GARNL3: variants seen among roughly 807,000 people sequenced by gnomAD.
GARNL3 encodes GTPase-activating Rap/Ran-GAP domain-like protein 3.
GARNL3 carries 63 observed loss-of-function variants against 125.0 expected under a neutral mutation model. That is an observed-to-expected ratio of 0.50 (90% CI 0.41 to 0.62). GARNL3 has a LOEUF of 0.62. Ranked by LOEUF, GARNL3 falls within the 20% of genes least tolerant of loss-of-function variation. The pLI, the probability that GARNL3 is intolerant of heterozygous loss-of-function variation, is 0.00. For missense variants in GARNL3, 994 were observed against 1,244.0 expected (o/e 0.80, Z 3.02); for synonymous variants, 439 against 457.5 (o/e 0.96, Z 0.52).
intron 22 of GARNL3, among the ~76,000 whole-genome samples, chr9:127,368,125 C>T (rs1034490331): frequency 6.8e-6 from 1 of 148,118 alleles, no homozygotes; most frequent in African/African-American, 2.5e-5. Context: ...AAGCGATTCT[C>T]CTGCCTCAGC....
intron 20 of GARNL3, chr9:127,356,652 G>A (rs1830705564): frequency 6.6e-6 from 1 of 152,276 alleles, no homozygotes; most frequent in African/African-American, 2.4e-5. Context: ...TTCCTATAGT[G>A]ATTTGCTATT....
chr9:127,359,419 G>A (rs1279510964), intron 21 of GARNL3, among the ~76,000 whole-genome samples: 3 of 152,158 alleles, frequency 2.0e-5, no homozygotes, highest in East Asian at 3.9e-4. Flanking sequence ...GAAGCCAGGA[G>A]GCGGAGGTTG....
intron 2 of GARNL3, among the ~76,000 whole-genome samples, chr9:127,306,979 G>A (rs545603799): frequency 2.7e-3 from 410 of 151,994 alleles, no homozygotes; most frequent in African/African-American, 9.3e-3. Context: ...GAAAAGTGAA[G>A]AGTGTAAACA....
upstream of GARNL3, among the ~76,000 whole-genome samples, chr9:127,261,093 T>TA (rs1445647797): frequency 2.6e-5 from 4 of 151,890 alleles, no homozygotes; most frequent in African/African-American, 9.7e-5. Flanking sequence ...CCATCTCTAC[T>TA]AAAAATACAA....
chr9:127,274,849 C>A (rs2063912735), intron 1 of GARNL3, among the ~76,000 whole-genome samples: 1 of 152,182 alleles, frequency 6.6e-6, no homozygotes, highest in South Asian at 2.1e-4. Context: ...CAGTTTTCTA[C>A]CTTGATTGTG....
At chr9:127,309,737 C>T (rs1276443960) in intron 2 of GARNL3, among the ~76,000 whole-genome samples, 1 of 145,882 alleles carries the variant, frequency 6.9e-6, no homozygotes, top group Non-Finnish European at 1.5e-5. Flanking sequence ...TCAACAGTTG[C>T]CCCCCAAAAA....
intron 17 of GARNL3, 69 bp from the exon 18 acceptor site, chr9:127,353,777 G>C (rs1830533666): frequency 9.8e-7 from 1 of 1,015,230 alleles, no homozygotes; most frequent in Admixed American, 1.7e-5. Flanking sequence ...CTACCCACAG[G>C]CACGTTTGGT....
At position 127,345,448 on chromosome 9, in the gene GARNL3, T is replaced by C; in HGVS notation, c.1402T>C (p.Leu468=). 1.2e-6 allele frequency: 2 copies of C among 1,609,356 alleles called. No individual in the cohort carries two copies. Residue 468 remains leucine (L), a synonymous_variant, in exon 16 of 28, where the codon TTG becomes CTG. Coordinates refer to ENST00000373387, the MANE Select transcript of GARNL3 (RefSeq NM_032293.5). The part of the protein sequence containing the change: ...SIVRGDAPSS[L]AASGICKKEP... The stretch of plus-strand genomic sequence containing the variant: ...TGTGAGAGGGGATGCTCCATCAAGC[T>C]TGGCAGCTTCAGGGATCTGTAAAAA...
At chr9:127,308,166 T>C (rs2065007046) in intron 2 of GARNL3, among the ~76,000 whole-genome samples, 1 of 152,226 alleles carries the variant, frequency 6.6e-6, no homozygotes, top group South Asian at 2.1e-4. Context: ...ATATCTTGAA[T>C]AGGTAATCAA....
rs374178815 is a variant in GARNL3, at chr9:127,291,128, A to G, written c.145-40A>G. ...ATAATTACATACAGATAGAAGAGAC[A>G]TTGTAAATGCTTCCTAATTGAATGC... On this transcript the variant is annotated intron_variant, in intron 1 of 27. Transcript: ENST00000373387. 1,318 of 1,589,816 alleles carry G rather than the reference A, an allele frequency of 8.3e-4. 17 individuals carry two copies. In the South Asian group the frequency reaches 0.013, roughly 16 times the overall value.
intron 14 of GARNL3, among the ~76,000 whole-genome samples, chr9:127,343,405 G>A (rs1374130221): frequency 1.3e-5 from 2 of 152,186 alleles, no homozygotes; most frequent in African/African-American, 2.4e-5. Flanking sequence ...TATCCCAGCT[G>A]AAGCATCACT....
chr9:127,390,857 A>T (rs1194221877), intron 27 of GARNL3, 90 bp downstream of exon 27: 25 of 1,341,824 alleles, frequency 1.9e-5, no homozygotes, highest in Non-Finnish European at 2.6e-5. Flanking sequence ...TGATAATGCC[A>T]CTAGTGGCCC....
At chr9:127,293,967 T>C (rs953978204) in intron 2 of GARNL3, among the ~76,000 whole-genome samples, 1 of 152,178 alleles carries the variant, frequency 6.6e-6, no homozygotes, top group African/African-American at 2.4e-5. Context: ...GACACTCCCC[T>C]GCTCAGCTCT....
chr9:127,292,249 C>T (rs1445131215), intron 2 of GARNL3, among the ~76,000 whole-genome samples: 2 of 152,194 alleles, frequency 1.3e-5, no homozygotes, highest in Non-Finnish European at 2.9e-5. Context: ...AGGCTGAATA[C>T]CCCTGAATAG....
At position 127,354,368 on chromosome 9, in the gene GARNL3, A is replaced by G; in HGVS notation, c.1717A>G (p.Ser573Gly). 6 of 1,613,746 alleles carry G rather than the reference A, an allele frequency of 3.7e-6. No individual in the cohort carries two copies. Among genetic ancestry groups the G allele is most frequent in the Middle Eastern group, 1.6e-4 (1 of 6,062 alleles). The stretch of plus-strand genomic sequence containing the variant: ...CCTTGAGGGGAAGCAGGCTGGGAAG[A>G]GCAGGTCTGACTGCAGAGAAAACAA... ...KGLEGKQAGKSRSDCRENKLE... is the reference protein window; with the variant it reads ...KGLEGKQAGKGRSDCRENKLE... The change falls in exon 19 of 28, where the codon AGC (serine) becomes GGC (glycine). Residue 573 changes from serine (S) to glycine (G), a missense_variant. Physicochemically the swap from Ser to Gly is moderately conservative, Grantham distance 56. Around this residue, in one of 5 missense-constraint regions of GARNL3, gnomAD observed 728 missense variants for 865.7 expected, o/e 0.84. Coordinates refer to ENST00000373387, the MANE Select transcript of GARNL3 (RefSeq NM_032293.5).
intron 2 of GARNL3, among the ~76,000 whole-genome samples, chr9:127,247,025 AAGC>A (rs2063317564): frequency 6.6e-6 from 1 of 150,902 alleles, no homozygotes; most frequent in Admixed American, 6.6e-5. Flanking sequence ...CAAAGGCACA[AAGC>A]AGGGACACTC....
At chr9:127,324,019 G>A (rs2065486140) in intron 6 of GARNL3, among the ~76,000 whole-genome samples, 1 of 152,168 alleles carries the variant, frequency 6.6e-6, no homozygotes. Context: ...GGAGGCTGAA[G>A]CAGGAGGATT....
intron 4 of GARNL3, among the ~76,000 whole-genome samples, chr9:127,316,048 ACT>A (rs2065232755): frequency 6.6e-6 from 1 of 152,186 alleles, no homozygotes; most frequent in African/African-American, 2.4e-5. Context: ...TTAAACATTG[ACT>A]CTGGAAGCTA....
At chr9:127,388,598 C>A (rs753313968) in intron 25 of GARNL3, 24 of 404,694 alleles carry the variant, frequency 5.9e-5, no homozygotes, top group Non-Finnish European at 1.1e-4. Context: ...TTATTGCACG[C>A]AGTTAAGATA....
Sources: allele counts gnomAD v4.1 joint callset (sites outside exome capture counted in the v4.1 genomes callset), GRCh38; gene constraint gnomAD v4.1.1; regional missense constraint gnomAD v4.1.1; transcripts MANE v1.5; gene names NCBI Gene and HGNC (gene_info 2026-07-23, HGNC 2026-07-21).